MBNL2: variants seen among roughly 807,000 people sequenced by gnomAD.
MBNL2 encodes the protein muscleblind-like protein 2.
Under a neutral mutation model 41.9 loss-of-function variants are expected in MBNL2, and 17 were observed. The observed-to-expected ratio is 0.41, with a 90% confidence interval of 0.28 to 0.61. The LOEUF (loss-of-function observed/expected upper bound fraction) is 0.61. MBNL2 is among the 20% of genes least tolerant of loss of function. The pLI is 0.35. For synonymous variants in MBNL2, 195 were observed against 182.9 expected, an observed-to-expected ratio of 1.07 and a Z score of -0.53; for missense variants, 336 against 505.6, an observed-to-expected ratio of 0.66 and a Z score of 3.22.
At chr13:97,329,073 G>T (rs1313016031) in intron 2 of MBNL2, among the ~76,000 whole-genome samples, 2 of 152,118 alleles carry the variant, frequency 1.3e-5, no homozygotes, top group Non-Finnish European at 2.9e-5. Flanking sequence ...ACATATTACA[G>T]TTATTTAGCA....
At chr13:97,214,977 G>A in the MBNL2 span, among the ~76,000 whole-genome samples, 1 of 152,182 alleles carries the variant, frequency 6.6e-6, no homozygotes, top group Admixed American at 6.5e-5. Context: ...AAGTTCCCAG[G>A]CCCATCAACT....
the MBNL2 span, among the ~76,000 whole-genome samples, chr13:97,154,419 A>G: frequency 6.6e-6 from 1 of 152,004 alleles, no homozygotes; most frequent in Admixed American, 6.6e-5. Flanking sequence ...GATTCAAGCA[A>G]TTCTCCTGCC....
intron 7 of MBNL2, among the ~76,000 whole-genome samples, chr13:97,360,295 G>A (rs2063298560): frequency 6.6e-6 from 1 of 152,148 alleles, no homozygotes; most frequent in Non-Finnish European, 1.5e-5. Flanking sequence ...TCTGCCTCCA[G>A]GTTGCAAAGA....
intron 1 of MBNL2, among the ~76,000 whole-genome samples, chr13:97,239,603 C>T (rs1017008648): frequency 6.6e-6 from 1 of 152,216 alleles, no homozygotes; most frequent in African/African-American, 2.4e-5. Context: ...GCCAGCTATG[C>T]TCCAATCCCT....
chr13:97,330,526 C>A (rs1170932863), intron 2 of MBNL2, among the ~76,000 whole-genome samples: 1 of 152,216 alleles, frequency 6.6e-6, no homozygotes, highest in Non-Finnish European at 1.5e-5. Flanking sequence ...CAAATCCTAG[C>A]TGCCACAAGG....
At chr13:97,267,128 AG>A (rs1349960673) in intron 1 of MBNL2, among the ~76,000 whole-genome samples, 2 of 152,218 alleles carry the variant, frequency 1.3e-5, no homozygotes, top group African/African-American at 4.8e-5. Context: ...AATGGCACGG[AG>A]GAGACACCTG....
chr13:97,188,531 C>T, the MBNL2 span, among the ~76,000 whole-genome samples: 2 of 152,032 alleles, frequency 1.3e-5, no homozygotes, highest in African/African-American at 2.4e-5. Context: ...TGACCTACTG[C>T]TTCCTGCAGC....
chr13:97,354,650 C>T (rs1292652053), intron 5 of MBNL2, among the ~76,000 whole-genome samples: 5 of 152,302 alleles, frequency 3.3e-5, no homozygotes, highest in Non-Finnish European at 7.4e-5. Context: ...GAATATTAAC[C>T]TTCCAGGTGA....
chr13:97,354,982 C>G (rs958929233), intron 5 of MBNL2, among the ~76,000 whole-genome samples: 3 of 151,928 alleles, frequency 2.0e-5, no homozygotes, highest in Non-Finnish European at 2.9e-5. Flanking sequence ...AATTGAAGCT[C>G]AAAAAACAAA....
At position 97,301,969 on chromosome 13, in the gene MBNL2, G is replaced by T. The variant is rs191426540; in HGVS notation, c.174+25560G>T. Among the ~76,000 whole-genome samples, 343 of 152,278 alleles carry T rather than the reference G, an allele frequency of 2.3e-3. 1 individual carries two copies. Among genetic ancestry groups the T allele is most frequent in the African/African-American group, 7.5e-3 (310 of 41,544 alleles). On this transcript the variant is annotated intron_variant, in intron 2 of 8. Transcript: ENST00000679496. The stretch of plus-strand genomic sequence containing the variant: ...TCAGATTTCTTCCGGTTGGATACTT[G>T]CTCAGCTCTTCATGAGGTGACCATA...
intron 1 of MBNL2, among the ~76,000 whole-genome samples, chr13:97,259,168 C>T (rs187112257): frequency 2.0e-5 from 3 of 152,142 alleles, no homozygotes; most frequent in African/African-American, 7.2e-5. Flanking sequence ...GTTAGAGACC[C>T]TTTTCTAGGT....
intron 3 of MBNL2, among the ~76,000 whole-genome samples, chr13:97,339,867 G>A (rs1566427152): frequency 8.6e-6 from 1 of 116,876 alleles, no homozygotes; most frequent in African/African-American, 4.2e-5. Context: ...ACTGATTTGT[G>A]TGTGGGCGGG....
At chr13:97,284,646 A>G (rs1209886144) in intron 2 of MBNL2, among the ~76,000 whole-genome samples, 1 of 152,224 alleles carries the variant, frequency 6.6e-6, no homozygotes, top group African/African-American at 2.4e-5. Context: ...AATATAATAT[A>G]TACACCTAGA....
At chr13:97,220,375 C>T (rs1483774654), upstream of MBNL2, among the ~76,000 whole-genome samples, 2 of 152,106 alleles carry the variant, frequency 1.3e-5, no homozygotes, top group Non-Finnish European at 2.9e-5. Flanking sequence ...AGGAGAACAT[C>T]AGAGAGGGTA....
At chr13:97,295,466 T>A (rs952120887) in intron 2 of MBNL2, among the ~76,000 whole-genome samples, 1 of 152,154 alleles carries the variant, frequency 6.6e-6, no homozygotes, top group African/African-American at 2.4e-5. Flanking sequence ...ATTATGTATC[T>A]ATGATGTGTT....
intron 1 of MBNL2, among the ~76,000 whole-genome samples, chr13:97,258,986 C>T (rs1330156226): frequency 1.3e-5 from 2 of 152,212 alleles, no homozygotes; most frequent in African/African-American, 4.8e-5. Flanking sequence ...GTATGCAATG[C>T]TGAAGGTTCA....
At chr13:97,241,387 G>T (rs372758096) in intron 1 of MBNL2, among the ~76,000 whole-genome samples, 2 of 152,224 alleles carry the variant, frequency 1.3e-5, no homozygotes, top group African/African-American at 4.8e-5. Context: ...GAACAGAAAC[G>T]TGAAAAAAAT....
chr13:97,214,748 G>A, the MBNL2 span, among the ~76,000 whole-genome samples: 2 of 152,194 alleles, frequency 1.3e-5, no homozygotes, highest in Non-Finnish European at 2.9e-5. Flanking sequence ...AGAAGGGGCT[G>A]AGAATACTCA....
At chr13:97,302,054 C>G (rs1175168094) in intron 2 of MBNL2, among the ~76,000 whole-genome samples, 1 of 152,170 alleles carries the variant, frequency 6.6e-6, no homozygotes, top group Non-Finnish European at 1.5e-5. Flanking sequence ...TGCAGCAATT[C>G]CTCAGCACAT....
Sources: allele counts gnomAD v4.1 joint callset (sites outside exome capture counted in the v4.1 genomes callset), GRCh38; gene constraint gnomAD v4.1.1; transcripts MANE v1.5; gene names NCBI Gene and HGNC (gene_info 2026-07-23, HGNC 2026-07-21).